CCDC141: variants seen among roughly 807,000 people sequenced by gnomAD.
CCDC141 encodes the protein coiled-coil domain containing 141.
CCDC141 carries 168 observed loss-of-function variants against 181.0 expected under a neutral mutation model. That is an observed-to-expected ratio of 0.93 (90% CI 0.82 to 1.05). CCDC141 has a LOEUF of 1.05. Among genes scored for constraint, CCDC141 ranks in the 50% least tolerant of loss-of-function variants. CCDC141 has a pLI of 0.00. For missense variants in CCDC141, 1,902 were observed against 1,788.5 expected (o/e 1.06, Z -1.14); for synonymous variants, 666 against 642.3 (o/e 1.04, Z -0.56).
intron 6 of CCDC141, among the ~76,000 whole-genome samples, chr2:178,935,102 T>C (rs1173986867): frequency 2.0e-5 from 3 of 152,126 alleles, no homozygotes; most frequent in African/African-American, 7.2e-5. Flanking sequence ...AAAATGTGGA[T>C]ACTTTCACAA....
intron 7 of CCDC141, among the ~76,000 whole-genome samples, chr2:178,917,262 C>A (rs1410711605): frequency 6.6e-6 from 1 of 152,140 alleles, no homozygotes; most frequent in Non-Finnish European, 1.5e-5. Flanking sequence ...TGAGGAGAAA[C>A]TTAACTAGCA....
intron 19 of CCDC141, 152 bp downstream of exon 19, chr2:178,855,195 T>A: frequency 1.6e-6 from 1 of 615,588 alleles, no homozygotes; most frequent in Non-Finnish European, 2.8e-6. Flanking sequence ...CAATTCTATT[T>A]CAGAGAATTA....
intron 2 of CCDC141, among the ~76,000 whole-genome samples, chr2:179,021,906 T>C (rs2042700772): frequency 6.6e-6 from 1 of 152,196 alleles, no homozygotes; most frequent in African/African-American, 2.4e-5. Flanking sequence ...AAATAATTGT[T>C]CCAAAAATAT....
chr2:178,871,988 AG>A, intron 13 of CCDC141, 144 bp downstream of exon 13: 1 of 788,270 alleles, frequency 1.3e-6, no homozygotes, highest in Non-Finnish European at 2.0e-6. Context: ...GTTTGACTAC[AG>A]GGACCTCATT....
chr2:179,022,415 A>C (rs1202015141), intron 2 of CCDC141, among the ~76,000 whole-genome samples: 2 of 152,138 alleles, frequency 1.3e-5, no homozygotes, highest in African/African-American at 4.8e-5. Flanking sequence ...CACTAAGCTA[A>C]CGTCTGTTCA....
chr2:178,902,919 A>T (rs1687774547), intron 8 of CCDC141, among the ~76,000 whole-genome samples: 1 of 148,852 alleles, frequency 6.7e-6, no homozygotes, highest in Non-Finnish European at 1.5e-5. Flanking sequence ...AGAAAAAAAC[A>T]AACAACCCCA....
intron 8 of CCDC141, among the ~76,000 whole-genome samples, chr2:178,901,234 G>A (rs1687673003): frequency 6.6e-6 from 1 of 152,042 alleles, no homozygotes; most frequent in South Asian, 2.1e-4. Flanking sequence ...GAAAAAGAGG[G>A]AATCCTCCCT....
intron 7 of CCDC141, among the ~76,000 whole-genome samples, chr2:178,909,264 A>T (rs756815896): frequency 1.3e-5 from 2 of 152,250 alleles, no homozygotes; most frequent in Non-Finnish European, 2.9e-5. Flanking sequence ...ATGAGAATCA[A>T]AATAGTCAAA....
At chr2:178,911,277 T>C (rs1688206968) in intron 7 of CCDC141, among the ~76,000 whole-genome samples, 1 of 152,330 alleles carries the variant, frequency 6.6e-6, no homozygotes, top group Non-Finnish European at 1.5e-5. Flanking sequence ...TGCTTAGCAG[T>C]TCTGTGCTGT....
At chr2:179,034,059 C>T (rs2043072224) in intron 2 of CCDC141, among the ~76,000 whole-genome samples, 1 of 152,118 alleles carries the variant, frequency 6.6e-6, no homozygotes, top group Non-Finnish European at 1.5e-5. Flanking sequence ...TTCATTGCGG[C>T]ACTATTCACA....
At chr2:179,039,964 A>G (rs915158361) in intron 2 of CCDC141, among the ~76,000 whole-genome samples, 1 of 152,214 alleles carries the variant, frequency 6.6e-6, no homozygotes, top group African/African-American at 2.4e-5. Flanking sequence ...TTCTAGACTC[A>G]TAATATTAGA....
At chr2:178,859,327 C>A in intron 17 of CCDC141, among the ~76,000 whole-genome samples, 1 of 152,212 alleles carries the variant, frequency 6.6e-6, no homozygotes, top group Non-Finnish European at 1.5e-5. Flanking sequence ...GAAAACTTAA[C>A]TTCCCATCTA....
At chr2:178,991,409 T>C (rs922736799) in intron 2 of CCDC141, among the ~76,000 whole-genome samples, 1 of 151,572 alleles carries the variant, frequency 6.6e-6, no homozygotes, top group South Asian at 2.1e-4. Context: ...TTTTATGTTA[T>C]ATGAATTTTG....
intron 2 of CCDC141, among the ~76,000 whole-genome samples, chr2:179,015,105 A>ATATATATATAT (rs2042417495): frequency 4.7e-4 from 10 of 21,362 alleles, no homozygotes; most frequent in African/African-American, 8.9e-4. Flanking sequence ...TATATATATA[A>ATATATATATAT]TATATATATA....
At chr2:178,907,440 C>T (rs767781757) in intron 7 of CCDC141, among the ~76,000 whole-genome samples, 60 of 152,270 alleles carry the variant, frequency 3.9e-4, no homozygotes, top group Non-Finnish European at 6.8e-4. Flanking sequence ...GAAGGAAGGG[C>T]TATGTCAGAG....
chr2:178,828,676 C>T (rs751111209), downstream of CCDC141, among the ~76,000 whole-genome samples: 1 of 152,160 alleles, frequency 6.6e-6, no homozygotes, highest in Non-Finnish European at 1.5e-5. Flanking sequence ...CCTACCTTGT[C>T]TGCATTTCCA....
chr2:178,848,269 A>C (rs1027746357), intron 21 of CCDC141, among the ~76,000 whole-genome samples: 4 of 152,246 alleles, frequency 2.6e-5, no homozygotes, highest in Admixed American at 6.5e-5. Context: ...ACAGACCTAC[A>C]GTGAATGCAG....
intron 2 of CCDC141, among the ~76,000 whole-genome samples, chr2:179,038,234 C>T (rs911480488): frequency 5.9e-5 from 9 of 152,114 alleles, no homozygotes; most frequent in African/African-American, 2.2e-4. Context: ...ACCTTGAAAA[C>T]ATCATATGCT....
chr2:178,878,595 G>A (rs550860569), intron 11 of CCDC141, among the ~76,000 whole-genome samples: 2 of 150,594 alleles, frequency 1.3e-5, no homozygotes, highest in East Asian at 3.9e-4. Flanking sequence ...CTGGGATTAC[G>A]GGCATGAGCT....
Sources: gnomAD v4.1 joint callset for allele counts (sites outside exome capture counted in the v4.1 genomes callset) on GRCh38, gnomAD v4.1.1 for gene constraint, MANE v1.5 for transcripts, NCBI Gene and HGNC (gene_info 2026-07-23, HGNC 2026-07-21) for gene names.